The following LGALS9 variants were observed in gnomAD, a reference collection of about 807,000 sequenced individuals.
LGALS9 encodes galectin-9.
In LGALS9, 26 loss-of-function variants were observed where a neutral mutation model predicts 35.9. The observed-to-expected ratio is 0.72, with a 90% CI of 0.53 to 1.01. LGALS9 has a LOEUF of 1.01. Ranked by LOEUF, LGALS9 falls within the 50% of genes least tolerant of loss-of-function variation. The pLI, the probability that LGALS9 is intolerant of heterozygous loss-of-function variation, is 0.00. For missense variants in LGALS9, 347 were observed against 445.8 expected (o/e 0.78, Z 1.99); for synonymous variants, 149 against 172.2 (o/e 0.87, Z 1.06).
chr17:27,642,781 C>G (rs1232808957), intron 4 of LGALS9, among the ~76,000 whole-genome samples: 1 of 152,182 alleles, frequency 6.6e-6, no homozygotes, highest in Non-Finnish European at 1.5e-5. Flanking sequence ...TTGCCTGCCC[C>G]CCATGGGTGG....
chr17:27,640,514 T>G (rs1904388020), intron 2 of LGALS9, 58 bp from the exon 3 acceptor site: 3 of 1,610,716 alleles, frequency 1.9e-6, no homozygotes, highest in Non-Finnish European at 2.5e-6. Flanking sequence ...GGCCCTCCTG[T>G]GCCTGTCACT....
chr17:27,649,104 C>A lies in LGALS9; in HGVS notation c.*122C>A. Reference sequence around the variant, plus strand: ...TGGGATCTGGGCTTTAATGCAGAGGCCATGTCCTTGTCTGGTCCTGCTTCT... The same window carrying A: ...TGGGATCTGGGCTTTAATGCAGAGGACATGTCCTTGTCTGGTCCTGCTTCT... On this transcript the variant is annotated 3_prime_UTR_variant, in exon 11 of 11. Coordinates refer to ENST00000395473, the MANE Select transcript of LGALS9 (RefSeq NM_009587.3). 5 of 1,478,686 alleles carry A rather than the reference C, an allele frequency of 3.4e-6. No individual in the cohort carries two copies. Among genetic ancestry groups the A allele is most frequent in the Non-Finnish European group, 4.6e-6 (5 of 1,080,488 alleles). 91.6% of individuals were successfully genotyped at this position (1,478,686 alleles called of 1,614,324 possible).
At chr17:27,645,433 C>G (rs1904860620) in intron 6 of LGALS9, 84 bp downstream of exon 6, 15 of 1,551,262 alleles carry the variant, frequency 9.7e-6, no homozygotes, top group Non-Finnish European at 1.2e-5. Flanking sequence ...CATTGGGCCT[C>G]TCCCATTGGG....
rs546365786 is a variant in LGALS9 at position 27,646,053 on chromosome 17, G to A, written c.627+142G>A. ...ACTAGGGGCTGAGTGCTTGGCTCAGGTGACATGTGGCTAAAGCTGTCCTTG... is the reference window on the plus strand; with the variant it reads ...ACTAGGGGCTGAGTGCTTGGCTCAGATGACATGTGGCTAAAGCTGTCCTTG... On this transcript the variant is annotated intron_variant, in intron 7 of 10. Coordinates refer to ENST00000395473, the MANE Select transcript of LGALS9 (RefSeq NM_009587.3). The A allele has an allele frequency of 7.0e-5, 47 of 672,880 alleles. No individual in the cohort carries two copies. In the South Asian group the frequency reaches 8.7e-4, roughly 12 times the overall value. The allele number at this position is 672,880 out of a possible 1,614,324, so 41.7% of individuals were successfully genotyped here. A position where few individuals can be genotyped will look rare whatever the true frequency, so the allele number is the denominator to read the frequency against.
At chr17:27,636,845 C>T (rs1271714913) in intron 1 of LGALS9, among the ~76,000 whole-genome samples, 1 of 151,970 alleles carries the variant, frequency 6.6e-6, no homozygotes, top group Non-Finnish European at 1.5e-5. Flanking sequence ...AAAAAAAAAT[C>T]CGGACTTCTG....
intron 1 of LGALS9, among the ~76,000 whole-genome samples, chr17:27,633,739 CA>C (rs1444923662): frequency 3.0e-4 from 45 of 152,350 alleles, no homozygotes; most frequent in African/African-American, 1.1e-3. Context: ...TGACATGAGC[CA>C]GGGGCTCAGC....
intron 5 of LGALS9, 130 bp downstream of exon 5, chr17:27,643,750 GTC>G: frequency 1.4e-6 from 2 of 1,406,858 alleles, no homozygotes; most frequent in Non-Finnish European, 1.9e-6. Flanking sequence ...AGAGTTCCCT[GTC>G]TCTGTCCGCT....
At chr17:27,636,463 A>G (rs1327080349) in intron 1 of LGALS9, among the ~76,000 whole-genome samples, 2 of 152,082 alleles carry the variant, frequency 1.3e-5, no homozygotes, top group Non-Finnish European at 2.9e-5. Flanking sequence ...TTGTATCTCT[A>G]TAATATGGGA....
intron 1 of LGALS9, 54 bp downstream of exon 1, chr17:27,631,358 T>G: frequency 4.3e-6 from 7 of 1,610,658 alleles, no homozygotes; most frequent in Non-Finnish European, 5.9e-6. Context: ...GACACAGCTC[T>G]GGGGCTCTGA....
intron 7 of LGALS9, 78 bp downstream of exon 7, chr17:27,645,989 G>A: frequency 2.5e-6 from 4 of 1,605,144 alleles, no homozygotes; most frequent in Non-Finnish European, 3.4e-6. Context: ...TAGAGCCCTA[G>A]AGTCGGGAAG....
At chr17:27,635,728 G>A (rs181380951) in intron 1 of LGALS9, among the ~76,000 whole-genome samples, 102 of 152,264 alleles carry the variant, frequency 6.7e-4, no homozygotes, top group African/African-American at 1.9e-3. Context: ...AGTGGAGGCC[G>A]CATGCTTCCC....
At chr17:27,640,461 G>T (rs1336322571) in intron 2 of LGALS9, 111 bp from the exon 3 acceptor site, 2 of 1,473,870 alleles carry the variant, frequency 1.4e-6, no homozygotes, top group East Asian at 2.3e-5. Context: ...CTGCCATACA[G>T]GTTGTGTGCA....
Position 27,647,355 on chromosome 17 carries a change from C to G in LGALS9, c.844C>G (p.Gln282Glu), listed in dbSNP as rs201740196. 6.2e-7 allele frequency: 1 copy of G among 1,614,236 alleles called. No homozygotes were observed. The highest frequency in any genetic ancestry group is 1.1e-5 in the South Asian group (1 of 91,086). Residue 282 changes from glutamine (Q) to glutamate (E), a missense_variant, in exon 10 of 11, where the codon CAG becomes GAG. By Grantham distance (29) the Gln-to-Glu change is conservative (BLOSUM62 2). Transcript: ENST00000395473. ...FDENAVVRNT[Q>E]IDNSWGSEER... is the part of the protein sequence containing the mutation. ...TGAGAATGCTGTGGTCCGCAACACC[C>G]AGATCGACAACTCCTGGGGGTCTGA...
chr17:27,638,794 C>T (rs2074483744), intron 2 of LGALS9: 1 of 295,638 alleles, frequency 3.4e-6, no homozygotes, highest in African/African-American at 2.2e-5. Context: ...AAGGCCTTTT[C>T]TAGAAACTAC....
intron 3 of LGALS9, chr17:27,641,073 T>C: frequency 1.7e-6 from 1 of 590,212 alleles, no homozygotes; most frequent in Non-Finnish European, 3.2e-6. Context: ...TCCTCTGCTA[T>C]AGCCATTCCT....
At chr17:27,644,767 G>GCC (rs1904805900) in intron 5 of LGALS9, 1 of 156,312 alleles carries the variant, frequency 6.4e-6, no homozygotes, top group Non-Finnish European at 1.4e-5. Flanking sequence ...GCTGGCCCTG[G>GCC]CTCTGGGGAG....
intron 8 of LGALS9, 115 bp from the exon 9 acceptor site, chr17:27,646,915 T>C: frequency 1.3e-6 from 2 of 1,485,526 alleles, no homozygotes; most frequent in Non-Finnish European, 1.8e-6. Context: ...TTGGCTTTTA[T>C]GGAACCAAGT....
At chr17:27,637,107 T>G (rs1219537743) in intron 1 of LGALS9, among the ~76,000 whole-genome samples, 1 of 152,030 alleles carries the variant, frequency 6.6e-6, no homozygotes, top group Non-Finnish European at 1.5e-5. Context: ...AATGTGAAAA[T>G]CAGCCAGGAG....
chr17:27,640,788 C>A lies in LGALS9; in HGVS notation c.333+15C>A, dbSNP rs748050077. ...CAGATTTCAAGGTGAGCAAGAATCC[C>A]CTCCCCACCTCTCACCCCTGGGACC... is the stretch of plus-strand genomic sequence containing the variant. On this transcript the variant is annotated intron_variant, in intron 3 of 10. Coordinates refer to ENST00000395473, the MANE Select transcript of LGALS9 (RefSeq NM_009587.3). 1 of 1,613,592 alleles carries A rather than the reference C, an allele frequency of 6.2e-7. No homozygotes were observed. Among genetic ancestry groups the A allele is most frequent in the South Asian group, 1.1e-5 (1 of 91,032 alleles).
Sources: gnomAD v4.1 joint callset for allele counts (sites outside exome capture counted in the v4.1 genomes callset) on GRCh38, gnomAD v4.1.1 for gene constraint, MANE v1.5 for transcripts, NCBI Gene and HGNC (gene_info 2026-07-23, HGNC 2026-07-21) for gene names.